BCL9: variants seen among roughly 807,000 people sequenced by gnomAD.
The protein encoded by BCL9 is BCL9 transcription coactivator, also known as B-cell CLL/lymphoma 9 protein.
BCL9 carries 25 observed loss-of-function variants against 88.5 expected under a neutral mutation model. That is an observed-to-expected ratio of 0.28 (90% confidence interval 0.21 to 0.39). The LOEUF is 0.39. Ranked by LOEUF, BCL9 falls within the 10% of genes least tolerant of loss-of-function variation. The probability of loss-of-function intolerance (pLI) is 1.00; values close to 1 mark genes in which losing one functional copy is unlikely to be tolerated. For synonymous variants in BCL9, 711 were observed against 673.3 expected, an observed-to-expected ratio of 1.06 and a Z score of -0.87; for missense variants, 1,817 against 1,877.8, an observed-to-expected ratio of 0.97 and a Z score of 0.60.
chr1:147,550,234 C>A (rs781886220), intron 1 of BCL9, among the ~76,000 whole-genome samples: 2 of 152,048 alleles, frequency 1.3e-5, no homozygotes, highest in African/African-American at 2.4e-5. Context: ...AGGGGTAGAG[C>A]GGTTGTCACT....
chr1:147,607,228 T>C (rs1657761027), intron 3 of BCL9, among the ~76,000 whole-genome samples: 1 of 152,220 alleles, frequency 6.6e-6, no homozygotes, highest in African/African-American at 2.4e-5. Context: ...TCTTTATCCA[T>C]TTCTCTGTTG....
chr1:147,601,057 G>T (rs1212690484), intron 1 of BCL9, among the ~76,000 whole-genome samples: 3 of 152,106 alleles, frequency 2.0e-5, no homozygotes, highest in African/African-American at 7.2e-5. Context: ...AGAGGGAGGG[G>T]CCAGAGGCCT....
rs1656628601 is a variant in BCL9, at chr1:147,586,897, TC to T, written c.-477-17878del. Among the ~76,000 whole-genome samples the T allele has an allele frequency of 2.6e-5, 4 of 152,072 alleles. No homozygotes were observed. The South Asian group carries it at 8.3e-4, about 32-fold the overall frequency. On this transcript the variant is annotated intron_variant, in intron 1 of 9. Transcript: ENST00000234739. ...AATTTAAGATGCTCTGTTTTACAAT[TC>T]CAGGCCCATCTCCTGCCTTCCTGCC... is the stretch of plus-strand genomic sequence containing the variant.
chr1:147,608,169 C>G (rs935478379), intron 3 of BCL9, among the ~76,000 whole-genome samples: 4 of 151,888 alleles, frequency 2.6e-5, no homozygotes, highest in Non-Finnish European at 4.4e-5. Context: ...CCAGTGGTGA[C>G]CTTAACAAAA....
intron 1 of BCL9, among the ~76,000 whole-genome samples, chr1:147,565,032 T>G (rs115112545): frequency 4.2e-4 from 64 of 152,314 alleles, no homozygotes; most frequent in African/African-American, 1.4e-3. Flanking sequence ...TAGAGAACAT[T>G]TCCATCTCTG....
chr1:147,570,841 G>A (rs587692604), intron 1 of BCL9, among the ~76,000 whole-genome samples: 1 of 151,976 alleles, frequency 6.6e-6, no homozygotes, highest in Non-Finnish European at 1.5e-5. Flanking sequence ...CTCCATGTTG[G>A]TCAGGCTGGT....
At chr1:147,543,105 C>G (rs1484478632) in intron 1 of BCL9, among the ~76,000 whole-genome samples, 2 of 152,112 alleles carry the variant, frequency 1.3e-5, no homozygotes, top group African/African-American at 4.8e-5. Flanking sequence ...AAATCAGTGC[C>G]TAACATTCAT....
intron 1 of BCL9, among the ~76,000 whole-genome samples, chr1:147,563,425 A>G (rs1324971139): frequency 5.9e-5 from 9 of 152,194 alleles, no homozygotes; most frequent in Non-Finnish European, 1.0e-4. Context: ...CTTCTCATGC[A>G]GGTATAACAA....
intron 1 of BCL9, among the ~76,000 whole-genome samples, chr1:147,559,346 C>T (rs1040339940): frequency 1.3e-5 from 2 of 152,132 alleles, no homozygotes; most frequent in Non-Finnish European, 2.9e-5. Flanking sequence ...GTTCTGTTAC[C>T]AATCCATCAG....
chr1:147,622,550 A>G lies in BCL9; in HGVS notation c.3163+19A>G. On this transcript the variant is annotated intron_variant, in intron 9 of 9. Coordinates refer to ENST00000234739, the MANE Select transcript of BCL9 (RefSeq NM_004326.4). ...ATGCCAGGTAAGAAATCAGAAAGGC[A>G]GGTTGTGGAGTGAGTGCTAGACCAA... The G allele has an allele frequency of 2.5e-6, 4 of 1,613,886 alleles. No homozygotes were observed. The highest frequency in any genetic ancestry group is 3.4e-6 in the Non-Finnish European group (4 of 1,179,768).
At chr1:147,610,876 T>C (rs1657962085) in intron 3 of BCL9, among the ~76,000 whole-genome samples, 2 of 152,348 alleles carry the variant, frequency 1.3e-5, no homozygotes, top group South Asian at 4.1e-4. Flanking sequence ...AGATGTTCTT[T>C]TACTTTCAGA....
intron 1 of BCL9, among the ~76,000 whole-genome samples, chr1:147,571,531 G>T (rs1259209743): frequency 6.6e-6 from 1 of 152,168 alleles, no homozygotes; most frequent in African/African-American, 2.4e-5. Flanking sequence ...TGGGAATTTG[G>T]GGGAGAGTTT....
rs782139460 is a variant in BCL9, at chr1:147,620,540, T to C, written c.2385T>C (p.Ser795=). 5 of 1,613,684 alleles carry C rather than the reference T, an allele frequency of 3.1e-6. No homozygotes were observed. The African/African-American group carries it at 6.7e-5, about 22-fold the overall frequency. The stretch of plus-strand genomic sequence containing the variant: ...TGTCTCAGGGTCCAGGCAGCAACAG[T>C]GGCTTGCGGAATCTCAGAGAACCAA... The part of the protein sequence containing the change: ...LPMSQGPGSN[S]GLRNLREPIG... Residue 795 remains serine, a synonymous_variant, in exon 8 of 10, where the codon AGT becomes AGC. Transcript: ENST00000234739.
chr1:147,600,364 G>T, intron 1 of BCL9: 2 of 152,490 alleles, frequency 1.3e-5, no homozygotes, highest in South Asian at 3.9e-4. Context: ...GGAGGGGGAG[G>T]GGAAGGACCG....
intron 1 of BCL9, among the ~76,000 whole-genome samples, chr1:147,550,179 G>A (rs1654820162): frequency 6.6e-6 from 1 of 152,166 alleles, no homozygotes; most frequent in South Asian, 2.1e-4. Context: ...CCGTGAGCCA[G>A]AAGGTCACCT....
At chr1:147,553,568 A>G (rs1300467600) in intron 1 of BCL9, among the ~76,000 whole-genome samples, 1 of 152,152 alleles carries the variant, frequency 6.6e-6, no homozygotes, top group East Asian at 1.9e-4. Flanking sequence ...CTCTCCTTAC[A>G]AGTGGTTGTG....
At chr1:147,573,590 T>C (rs1655979268) in intron 1 of BCL9, among the ~76,000 whole-genome samples, 1 of 152,214 alleles carries the variant, frequency 6.6e-6, no homozygotes, top group African/African-American at 2.4e-5. Context: ...GGGGTTCAAT[T>C]TCTGACCCTG....
At position 147,619,637 on chromosome 1, in the gene BCL9, G is replaced by T; in HGVS notation, c.1482G>T (p.Gln494His). 1 of 1,614,156 alleles carries T rather than the reference G, an allele frequency of 6.2e-7. No homozygotes were observed. Among genetic ancestry groups the T allele is most frequent in the Non-Finnish European group, 8.5e-7 (1 of 1,180,034 alleles). ...AGCAGGAACAAGTGGTTGTCCAGCA[G>T]TGTTCCCTCCAGGACATGATGGTCC... ...RRKQEQVVVQ[Q>H]CSLQDMMVHQ... The change falls in exon 8 of 10, where the codon CAG becomes CAT. Residue 494 changes from glutamine (Q) to histidine (H), a missense_variant. Physicochemically the swap from Gln to His is conservative, Grantham distance 24. Transcript: ENST00000234739. The surrounding 1 kb of genome is among the most constrained non-coding windows in gnomAD (Gnocchi z 4.1).
At chr1:147,574,929 C>T (rs1656042552) in intron 1 of BCL9, among the ~76,000 whole-genome samples, 1 of 152,162 alleles carries the variant, frequency 6.6e-6, no homozygotes, top group Non-Finnish European at 1.5e-5. Context: ...CTACTCCACA[C>T]TTTGACTCCC....
Sources: gnomAD v4.1 joint callset for allele counts (sites outside exome capture counted in the v4.1 genomes callset) on GRCh38, gnomAD v4.1.1 for gene constraint, Gnocchi (gnomAD v3.1) non-coding constraint, MANE v1.5 for transcripts, NCBI Gene and HGNC (gene_info 2026-07-23, HGNC 2026-07-21) for gene names.